ANO3: variants seen among roughly 807,000 people sequenced by gnomAD.
ANO3 encodes anoctamin 3, also known as anoctamin-3.
ANO3 carries 99 observed loss-of-function variants against 144.8 expected under a neutral mutation model. The ratio of observed to expected loss-of-function variants is 0.68; its 90% CI spans 0.58 to 0.81. The LOEUF (loss-of-function observed/expected upper bound fraction) is 0.81, where lower values mean the gene tolerates loss of function less well. Among genes scored for constraint, ANO3 ranks in the 30% least tolerant of loss-of-function variants. The pLI, the probability that ANO3 is intolerant of heterozygous loss-of-function variation, is 0.00. For synonymous variants in ANO3, 414 were observed against 392.6 expected (o/e 1.05, Z -0.64); for missense variants, 905 against 1,202.2 (o/e 0.75, Z 3.66).
rs114336265 is a variant in ANO3, at chr11:26,310,209, G to A, written c.-3+490G>A. 4.2e-3 allele frequency among the ~76,000 whole-genome samples: 633 copies of A among 152,206 alleles called. 3 individuals carry two copies. Among genetic ancestry groups the A allele is most frequent in the African/African-American group, 0.014 (585 of 41,542 alleles). The stretch of plus-strand genomic sequence containing the variant: ...CAGCCATAAAATCCCTGAATAGTTA[G>A]CAATAAACCAACCTATAATAGATGA... On this transcript the variant is annotated intron_variant, in intron 1 of 26. Coordinates refer to the ANO3 transcript ENST00000525139.
At chr11:26,538,530 G>A (rs1428047110) in intron 10 of ANO3, among the ~76,000 whole-genome samples, 5 of 152,130 alleles carry the variant, frequency 3.3e-5, no homozygotes, top group African/African-American at 4.8e-5. Context: ...GTATCAGATA[G>A]CACATAATAA....
chr11:26,235,019 AG>A (rs1392579906), intron 1 of ANO3, among the ~76,000 whole-genome samples: 5 of 151,926 alleles, frequency 3.3e-5, no homozygotes, highest in Admixed American at 1.3e-4. Flanking sequence ...AGAGAGAGAG[AG>A]AGAGATGAGG....
At chr11:26,306,811 G>T (rs1247317711), upstream of ANO3, among the ~76,000 whole-genome samples, 1 of 152,186 alleles carries the variant, frequency 6.6e-6, no homozygotes, top group Non-Finnish European at 1.5e-5. Context: ...GGTCTCCTAA[G>T]TATGAAATAT....
At chr11:26,243,527 A>G (rs796457473) in intron 1 of ANO3, among the ~76,000 whole-genome samples, 35 of 152,302 alleles carry the variant, frequency 2.3e-4, no homozygotes, top group African/African-American at 7.9e-4. Context: ...TGCTTAGATA[A>G]AAGATTCACT....
chr11:26,279,232 A>G (rs992167149), intron 1 of ANO3, among the ~76,000 whole-genome samples: 1 of 152,120 alleles, frequency 6.6e-6, no homozygotes, highest in Non-Finnish European at 1.5e-5. Flanking sequence ...CTGGAAACAG[A>G]GAAATTGAAC....
At chr11:26,411,749 G>A (rs185327927) in intron 1 of ANO3, among the ~76,000 whole-genome samples, 34 of 150,646 alleles carry the variant, frequency 2.3e-4, no homozygotes, top group South Asian at 2.1e-3. Context: ...TGCCTTTCTC[G>A]TGTTCTTCAT....
At chr11:26,547,266 G>A (rs768388959) in intron 11 of ANO3, 150 bp from the exon 12 acceptor site, 133 of 704,458 alleles carry the variant, frequency 1.9e-4, no homozygotes, top group Non-Finnish European at 2.7e-4. Flanking sequence ...TAATTAACAA[G>A]CAGGAGTATT....
chr11:26,554,008 C>T (rs188098964), intron 13 of ANO3, among the ~76,000 whole-genome samples: 13 of 152,184 alleles, frequency 8.5e-5, no homozygotes, highest in African/African-American at 2.2e-4. Flanking sequence ...TTGTTATATG[C>T]GTGCACCTGT....
chr11:26,392,772 G>A (rs1856916017), intron 1 of ANO3, among the ~76,000 whole-genome samples: 1 of 152,110 alleles, frequency 6.6e-6, no homozygotes, highest in African/African-American at 2.4e-5. Flanking sequence ...AAAAGATTAT[G>A]TGGCTTGTAA....
chr11:26,480,588 G>A (rs1012121746), intron 4 of ANO3, among the ~76,000 whole-genome samples: 2 of 150,984 alleles, frequency 1.3e-5, no homozygotes, highest in East Asian at 2.0e-4. Context: ...TGTGTGGATC[G>A]CTTGAGGTAA....
chr11:26,386,580 G>A (rs375432093), intron 1 of ANO3, among the ~76,000 whole-genome samples: 16 of 152,272 alleles, frequency 1.1e-4, no homozygotes, highest in Admixed American at 2.6e-4. Flanking sequence ...ATGGGTTGAC[G>A]TCCTGAGCCC....
chr11:26,612,874 AG>A (rs1852139674), intron 17 of ANO3, among the ~76,000 whole-genome samples: 1 of 152,066 alleles, frequency 6.6e-6, no homozygotes, highest in South Asian at 2.1e-4. Context: ...ATAGTCTAAT[AG>A]GGGCTTCCTT....
intron 1 of ANO3, among the ~76,000 whole-genome samples, chr11:26,405,052 G>A: frequency 6.6e-6 from 1 of 150,610 alleles, no homozygotes; most frequent in East Asian, 2.0e-4. Flanking sequence ...GCCATTATAT[G>A]GTACTGCCTA....
At chr11:26,210,943 A>G (rs910186173) in intron 1 of ANO3, among the ~76,000 whole-genome samples, 17 of 152,126 alleles carry the variant, frequency 1.1e-4, no homozygotes, top group African/African-American at 4.1e-4. Context: ...TATTAGACAG[A>G]TCAACAAGAC....
intron 1 of ANO3, among the ~76,000 whole-genome samples, chr11:26,421,789 T>G (rs771395715): frequency 9.9e-5 from 15 of 152,074 alleles, no homozygotes; most frequent in Non-Finnish European, 1.8e-4. Context: ...AATCATGTAC[T>G]TTGCAGAGAA....
intron 3 of ANO3, among the ~76,000 whole-genome samples, chr11:26,455,002 G>A (rs899451006): frequency 6.6e-5 from 10 of 150,552 alleles, no homozygotes; most frequent in African/African-American, 2.2e-4. Flanking sequence ...ATGCAGAAAA[G>A]GCCTTTGACA....
At position 26,505,980 on chromosome 11, in the gene ANO3, G is replaced by A. The variant is rs1433965143; in HGVS notation, c.433-2124G>A. On this transcript the variant is annotated intron_variant, in intron 4 of 26. Coordinates refer to ENST00000256737, the MANE Select transcript of ANO3 (RefSeq NM_031418.4). Reference sequence around the variant, plus strand: ...TGCACTCCAGCCTGGGCTACAGAGCGAGACTCTGTCTCAAAAAAAAAAAAA... The same window carrying A: ...TGCACTCCAGCCTGGGCTACAGAGCAAGACTCTGTCTCAAAAAAAAAAAAA... Among the ~76,000 whole-genome samples, 9 of 108,844 alleles carry A rather than the reference G, an allele frequency of 8.3e-5. No homozygotes were observed. The Admixed American group carries it at 9.9e-4, about 12-fold the overall frequency. 71.4% of individuals were successfully genotyped at this position (108,844 alleles called of 152,430 possible).
At chr11:26,304,044 A>G (rs951171104) in intron 1 of ANO3, among the ~76,000 whole-genome samples, 1 of 152,182 alleles carries the variant, frequency 6.6e-6, no homozygotes, top group African/African-American at 2.4e-5. Context: ...TTGTGATCAA[A>G]TCTTAAGTAA....
intron 1 of ANO3, among the ~76,000 whole-genome samples, chr11:26,243,339 C>T (rs375847353): frequency 7.7e-4 from 113 of 147,470 alleles, no homozygotes; most frequent in African/African-American, 2.7e-3. Context: ...AAAGTAAAGG[C>T]TTTTTTTTTT....
Sources: gnomAD v4.1 joint callset for allele counts (sites outside exome capture counted in the v4.1 genomes callset) on GRCh38, gnomAD v4.1.1 for gene constraint, MANE v1.5 for transcripts, NCBI Gene and HGNC (gene_info 2026-07-23, HGNC 2026-07-21) for gene names.